Variants in ATP6V1B2 observed in about 807,000 individuals in gnomAD.
ATP6V1B2 encodes ATPase H+ transporting V1 subunit B2, also known as V-type proton ATPase subunit B, brain isoform.
In ATP6V1B2, 23 loss-of-function variants were observed where a neutral mutation model predicts 66.7. That is an observed-to-expected ratio of 0.34 (90% confidence interval 0.25 to 0.49). ATP6V1B2 has a LOEUF of 0.49. Among genes scored for constraint, ATP6V1B2 ranks in the 20% least tolerant of loss-of-function variants. ATP6V1B2 has a pLI of 0.99. For missense variants in ATP6V1B2, 478 were observed against 650.8 expected (o/e 0.73, Z 2.89); for synonymous variants, 278 against 236.7 (o/e 1.17, Z -1.60).
chr8:20,211,630 A>G, intron 6 of ATP6V1B2, 22 bp from the exon 7 acceptor site: 1 of 1,579,754 alleles, frequency 6.3e-7, no homozygotes, highest in Non-Finnish European at 8.6e-7. Context: ...TTTCAACTGA[A>G]TTCTTCTACT....
chr8:20,216,308 G>C, intron 10 of ATP6V1B2, 105 bp from the exon 11 acceptor site: 1 of 849,478 alleles, frequency 1.2e-6, no homozygotes, highest in East Asian at 2.5e-5. Flanking sequence ...TAATGTTACA[G>C]GTAGTACAGA....
At chr8:20,207,149 A>G (rs937815692) in intron 2 of ATP6V1B2, among the ~76,000 whole-genome samples, 1 of 152,244 alleles carries the variant, frequency 6.6e-6, no homozygotes, top group Non-Finnish European at 1.5e-5. Flanking sequence ...TGAAGATTCC[A>G]TGTTCATGAA....
At chr8:20,201,710 G>A (rs1387747253) in intron 1 of ATP6V1B2, among the ~76,000 whole-genome samples, 1 of 152,132 alleles carries the variant, frequency 6.6e-6, no homozygotes, top group Non-Finnish European at 1.5e-5. Flanking sequence ...TCCTTAGGGT[G>A]CATCAGCCTT....
intron 9 of ATP6V1B2, chr8:20,213,880 A>T (rs1436105789): frequency 6.6e-6 from 1 of 152,164 alleles, no homozygotes; most frequent in African/African-American, 2.4e-5. Context: ...TCACAGACCA[A>T]TACTTTTGTA....
intron 10 of ATP6V1B2, chr8:20,215,624 G>A (rs1052678100): frequency 2.0e-5 from 3 of 152,110 alleles, no homozygotes; most frequent in Admixed American, 6.6e-5. Flanking sequence ...CAACTTTGAG[G>A]CAGATGCTGT....
chr8:20,218,365 T>A, intron 13 of ATP6V1B2, 83 bp downstream of exon 13: 1 of 1,536,200 alleles, frequency 6.5e-7, no homozygotes, highest in Non-Finnish European at 8.8e-7. Flanking sequence ...AAAATTCTCA[T>A]TGGTTTCTAT....
chr8:20,216,529 G>A (rs775745506), intron 11 of ATP6V1B2, 34 bp downstream of exon 11: 5 of 1,569,858 alleles, frequency 3.2e-6, no homozygotes, highest in Non-Finnish European at 4.4e-6. Flanking sequence ...GAAGCTTGCA[G>A]ACCTGCTCAT....
chr8:20,200,434 A>G (rs1401685003), intron 1 of ATP6V1B2, among the ~76,000 whole-genome samples: 1 of 152,174 alleles, frequency 6.6e-6, no homozygotes, highest in African/African-American at 2.4e-5. Context: ...TTTAAACTCA[A>G]AAAGCTTTGT....
chr8:20,205,192 A>T (rs2128885016), intron 2 of ATP6V1B2, among the ~76,000 whole-genome samples: 1 of 152,298 alleles, frequency 6.6e-6, no homozygotes, highest in African/African-American at 2.4e-5. Flanking sequence ...TTGTTTCTTT[A>T]TATTTTAATT....
chr8:20,197,754 A>G (rs1157992641), intron 1 of ATP6V1B2, among the ~76,000 whole-genome samples: 1 of 152,154 alleles, frequency 6.6e-6, no homozygotes, highest in Non-Finnish European at 1.5e-5. Flanking sequence ...ACCAGCGGGA[A>G]CTTTTTCCTG....
Position 20,221,054 on chromosome 8 carries a change from T to C in ATP6V1B2, c.*652T>C, listed in dbSNP as rs1585256653. The C allele has an allele frequency of 1.3e-5, 2 of 152,318 alleles. No individual in the cohort carries two copies. The highest frequency in any genetic ancestry group is 2.1e-4 in the South Asian group (1 of 4,824). The allele number at this position is 152,318 out of a possible 1,614,324, so 9.4% of individuals were successfully genotyped here. On this transcript the variant is annotated 3_prime_UTR_variant, in exon 14 of 14. Transcript: ENST00000276390. ...AATAATACACAGAATCCTGCAACTT[T>C]TTGCACAGCTGGTATCTGTCTGGTA... is the stretch of plus-strand genomic sequence containing the variant.
At chr8:20,205,184 G>C (rs2072726195) in intron 2 of ATP6V1B2, among the ~76,000 whole-genome samples, 1 of 151,988 alleles carries the variant, frequency 6.6e-6, no homozygotes, top group Non-Finnish European at 1.5e-5. Flanking sequence ...AGCTTTGTTT[G>C]TTTCTTTATA....
intron 1 of ATP6V1B2, among the ~76,000 whole-genome samples, chr8:20,200,615 A>G (rs569726159): frequency 6.6e-6 from 1 of 152,372 alleles, no homozygotes; most frequent in South Asian, 2.1e-4. Context: ...GTCACAAGGA[A>G]TGAAAACTTG....
In ATP6V1B2 at chr8:20,216,415, AT is replaced by A; in HGVS notation, c.1082del (p.Ile361ThrfsTer8). On this transcript the variant is annotated frameshift_variant, in exon 11 of 14. Transcript: ENST00000276390. LOFTEE classifies it high-confidence loss of function. ...IPILTMPNDD[I>X]THPIPDLTGY... ...TGCCAACTGTCTTCCTCTGGTAGAT[AT>A]CACTCACCCCATCCCAGACTTGACT... The A allele has an allele frequency of 6.2e-7, 1 of 1,611,972 alleles. No individual in the cohort carries two copies. The highest frequency in any genetic ancestry group is 8.5e-7 in the Non-Finnish European group (1 of 1,178,320).
At chr8:20,204,382 A>G in intron 1 of ATP6V1B2, 102 bp from the exon 2 acceptor site, 1 of 997,868 alleles carries the variant, frequency 1.0e-6, no homozygotes, top group Non-Finnish European at 1.5e-6. Context: ...ACCGTATTCT[A>G]ATAGACATGA....
At position 20,218,236 on chromosome 8, in the gene ATP6V1B2, C is replaced by G. The variant is rs1440467163; in HGVS notation, c.1350C>G (p.Leu450=). 2.5e-6 allele frequency: 4 copies of G among 1,613,284 alleles called. No individual in the cohort carries two copies. The highest frequency in any genetic ancestry group is 2.2e-5 in the East Asian group (1 of 44,880). Residue 450 remains leucine (L), a synonymous_variant, in exon 13 of 14, where the codon CTC becomes CTG. Coordinates refer to ENST00000276390, the MANE Select transcript of ATP6V1B2 (RefSeq NM_001693.4). ...GEEALTSDDL[L]YLEFLQKFER... ...AAGCCCTTACCTCAGATGATCTTCT[C>G]TACTTGGAATTTCTGCAGAAGTTTG...
At chr8:20,213,633 C>G (rs2072817255) in intron 9 of ATP6V1B2, 3 of 152,218 alleles carry the variant, frequency 2.0e-5, no homozygotes. Context: ...GTCTGGGTGA[C>G]AGATCGAGAC....
Position 20,217,328 on chromosome 8 carries a change from T to G in ATP6V1B2, c.1266+4T>G, listed in dbSNP as rs1192843237. The G allele has an allele frequency of 6.3e-6, 10 of 1,597,580 alleles. No homozygotes were observed. Among genetic ancestry groups the G allele is most frequent in the Non-Finnish European group, 8.6e-6 (10 of 1,165,186 alleles). ...TGCCGATGTATCTAACCAGCTAGTA[T>G]GTACATTCTTCTAAGAATGGTGTTT... is the stretch of plus-strand genomic sequence containing the variant. On this transcript the variant is annotated splice_donor_region_variant and intron_variant, in intron 12 of 13. Transcript: ENST00000276390.
intron 5 of ATP6V1B2, 136 bp downstream of exon 5, chr8:20,210,782 TTTA>T (rs1454915704): frequency 2.3e-6 from 1 of 426,160 alleles, no homozygotes; most frequent in East Asian, 4.2e-5. Context: ...TATAAATTAT[TTTA>T]TTATTTAATT....
Sources: gnomAD v4.1 joint callset for allele counts (sites outside exome capture counted in the v4.1 genomes callset) on GRCh38, gnomAD v4.1.1 for gene constraint, MANE v1.5 for transcripts, NCBI Gene and HGNC (gene_info 2026-07-23, HGNC 2026-07-21) for gene names.